ST18: variants seen among roughly 807,000 people sequenced by gnomAD.
The protein encoded by ST18 is suppression of tumorigenicity 18 protein.
A neutral mutation model predicts 110.0 loss-of-function variants in ST18; 50 were observed. That is an observed-to-expected ratio of 0.45 (90% CI 0.36 to 0.58). The LOEUF is 0.58. ST18 is among the 20% of genes least tolerant of loss of function. ST18 has a pLI of 0.00. For missense variants in ST18, 1,306 were observed against 1,280.1 expected, an observed-to-expected ratio of 1.02 and a Z score of -0.31; for synonymous variants, 461 against 452.4, an observed-to-expected ratio of 1.02 and a Z score of -0.24.
intron 2 of ST18, among the ~76,000 whole-genome samples, chr8:52,236,435 C>T (rs2092684863): frequency 6.6e-6 from 1 of 152,016 alleles, no homozygotes; most frequent in Non-Finnish European, 1.5e-5. Flanking sequence ...CATGGTGAAA[C>T]CCTGTCTCTA....
At chr8:52,380,692 C>T (rs1454251810) in intron 2 of ST18, among the ~76,000 whole-genome samples, 2 of 152,064 alleles carry the variant, frequency 1.3e-5, no homozygotes, top group South Asian at 2.1e-4. Context: ...ATGGAAATGC[C>T]GATGCCTAAC....
intron 17 of ST18, among the ~76,000 whole-genome samples, chr8:52,141,945 T>C (rs1354168072): frequency 1.3e-5 from 2 of 152,100 alleles, no homozygotes; most frequent in African/African-American, 4.8e-5. Context: ...CCGCGCTCTT[T>C]AGAAGGCTAC....
rs941363872 is a variant in ST18, at chr8:52,362,044, A to G, written c.-465+47284T>C. Among the ~76,000 whole-genome samples the G allele has an allele frequency of 2.0e-5, 3 of 152,212 alleles. No homozygotes were observed. The East Asian group carries it at 5.8e-4, about 29-fold the overall frequency. On this transcript the variant is annotated intron_variant, in intron 2 of 25. Transcript: ENST00000689386. ...TATTCTAGTTCAAAATTTTAAAAAC[A>G]CTACCTGGCTTTTAATTTATCAAAA...
At chr8:52,186,895 T>C (rs961996538) in intron 8 of ST18, among the ~76,000 whole-genome samples, 1 of 152,140 alleles carries the variant, frequency 6.6e-6, no homozygotes, top group Non-Finnish European at 1.5e-5. Flanking sequence ...GTGGGAGGTA[T>C]GAAGGAAATG....
chr8:52,202,061 G>A (rs569809679), intron 8 of ST18, among the ~76,000 whole-genome samples: 1 of 152,288 alleles, frequency 6.6e-6, no homozygotes, highest in South Asian at 2.1e-4. Flanking sequence ...GGTTTTAAAG[G>A]GGCCAGAACT....
chr8:52,256,193 C>G (rs755179518), intron 2 of ST18, among the ~76,000 whole-genome samples: 4 of 152,226 alleles, frequency 2.6e-5, no homozygotes, highest in African/African-American at 9.6e-5. Context: ...ACTGTATGCA[C>G]GCAGATTCAC....
At chr8:52,339,792 T>C (rs1814009650) in intron 2 of ST18, among the ~76,000 whole-genome samples, 1 of 152,272 alleles carries the variant, frequency 6.6e-6, no homozygotes, top group Admixed American at 6.5e-5. Context: ...GTCACCCCTT[T>C]CCGAGTTCTA....
intron 9 of ST18, among the ~76,000 whole-genome samples, chr8:52,174,206 G>A (rs998281296): frequency 6.6e-6 from 1 of 152,148 alleles, no homozygotes; most frequent in African/African-American, 2.4e-5. Context: ...TGATAGGATA[G>A]CCTATCCTCT....
rs578120020 is a variant in ST18 at position 52,221,379 on chromosome 8, C to T, written c.-265+261G>A. On this transcript the variant is annotated intron_variant, in intron 4 of 25. Transcript: ENST00000689386. ...TCCTTTTGCTAATGTTTTAAGTTGT[C>T]GTCCAATGAAATGCTTTGCCCTTGG... Among the ~76,000 whole-genome samples, 37 of 152,222 alleles carry T rather than the reference C, an allele frequency of 2.4e-4. 1 individual carries two copies. Among genetic ancestry groups the T allele is most frequent in the African/African-American group, 8.4e-4 (35 of 41,528 alleles).
At chr8:52,259,927 AT>A (rs1021258989) in intron 2 of ST18, among the ~76,000 whole-genome samples, 5 of 152,114 alleles carry the variant, frequency 3.3e-5, no homozygotes, top group African/African-American at 7.2e-5. Flanking sequence ...ATCCTTTGTC[AT>A]TTTTTATAAG....
At chr8:52,276,763 A>G (rs2095274009) in intron 2 of ST18, among the ~76,000 whole-genome samples, 1 of 150,546 alleles carries the variant, frequency 6.6e-6, no homozygotes, top group Admixed American at 6.6e-5. Context: ...AAAACCTATA[A>G]AATCTTTTTT....
At chr8:52,189,698 C>T (rs1478950642) in intron 8 of ST18, among the ~76,000 whole-genome samples, 1 of 152,168 alleles carries the variant, frequency 6.6e-6, no homozygotes, top group Non-Finnish European at 1.5e-5. Flanking sequence ...CAAGCATTCA[C>T]GGACTATTGC....
intron 10 of ST18, 154 bp downstream of exon 10, chr8:52,171,637 GA>G (rs1323058157): frequency 8.3e-6 from 7 of 844,594 alleles, no homozygotes; most frequent in Admixed American, 2.0e-5. Context: ...GAGAGTGGGG[GA>G]AAAGAAAGAA....
At chr8:52,378,202 A>G (rs1833138558) in intron 2 of ST18, among the ~76,000 whole-genome samples, 1 of 152,206 alleles carries the variant, frequency 6.6e-6, no homozygotes, top group African/African-American at 2.4e-5. Flanking sequence ...GGGTGACTAG[A>G]GTCAACAATA....
intron 2 of ST18, among the ~76,000 whole-genome samples, chr8:52,396,523 A>G (rs1841191940): frequency 6.6e-6 from 1 of 152,062 alleles, no homozygotes; most frequent in Non-Finnish European, 1.5e-5. Context: ...CCAAGACTGG[A>G]TAATTTATAA....
chr8:52,303,265 C>A (rs1234078830), intron 2 of ST18, among the ~76,000 whole-genome samples: 1 of 152,240 alleles, frequency 6.6e-6, no homozygotes, highest in East Asian at 1.9e-4. Context: ...TGGCCATGGG[C>A]AGTCCTTGGG....
At chr8:52,314,851 A>G (rs1419641606) in intron 2 of ST18, among the ~76,000 whole-genome samples, 2 of 152,112 alleles carry the variant, frequency 1.3e-5, no homozygotes, top group East Asian at 3.9e-4. Flanking sequence ...TAGTCACTCC[A>G]TGGAGAGACT....
intron 3 of ST18, among the ~76,000 whole-genome samples, chr8:52,225,800 T>G (rs1332138175): frequency 1.3e-5 from 2 of 152,226 alleles, no homozygotes; most frequent in African/African-American, 4.8e-5. Flanking sequence ...AAGACACAAA[T>G]GTACAGTGAG....
chr8:52,408,225 T>C (rs1845191565), intron 2 of ST18, among the ~76,000 whole-genome samples: 1 of 152,224 alleles, frequency 6.6e-6, no homozygotes, highest in African/African-American at 2.4e-5. Context: ...CACCTGAACA[T>C]AGCTTACAAG....
Sources: gnomAD v4.1 joint callset for allele counts (sites outside exome capture counted in the v4.1 genomes callset) on GRCh38, gnomAD v4.1.1 for gene constraint, MANE v1.5 for transcripts, NCBI Gene and HGNC (gene_info 2026-07-23, HGNC 2026-07-21) for gene names.